Variants in MALRD1 observed in about 807,000 individuals in gnomAD.
The protein encoded by MALRD1 is MAM and LDL receptor class A domain containing 1.
A neutral mutation model predicts 242.1 loss-of-function variants in MALRD1; 247 were observed. The ratio of observed to expected loss-of-function variants is 1.02; its 90% confidence interval spans 0.92 to 1.13. MALRD1 has a LOEUF of 1.13. Among genes scored for constraint, MALRD1 ranks in the 50% most tolerant of loss-of-function variants. The pLI, the probability that MALRD1 is intolerant of heterozygous loss-of-function variation, is 0.00. For synonymous variants in MALRD1, 995 were observed against 866.6 expected (o/e 1.15, Z -2.60); for missense variants, 2,989 against 2,533.1 (o/e 1.18, Z -3.86).
At chr10:19,392,195 C>A (rs1846368553) in intron 28 of MALRD1, among the ~76,000 whole-genome samples, 1 of 152,050 alleles carries the variant, frequency 6.6e-6, no homozygotes. Flanking sequence ...TTAACACACC[C>A]CTCTGAGTTA....
intron 11 of MALRD1, among the ~76,000 whole-genome samples, chr10:19,153,380 C>A (rs1418316823): frequency 1.3e-5 from 2 of 152,114 alleles, no homozygotes; most frequent in Admixed American, 6.6e-5. Flanking sequence ...TTTCTAAGAT[C>A]TGAGGTTTCT....
intron 36 of MALRD1, among the ~76,000 whole-genome samples, chr10:19,657,112 A>G (rs1397991443): frequency 6.6e-6 from 1 of 152,092 alleles, no homozygotes; most frequent in Non-Finnish European, 1.5e-5. Flanking sequence ...ATTCTCTCAC[A>G]GTCTTTTCAT....
intron 36 of MALRD1, among the ~76,000 whole-genome samples, chr10:19,658,739 A>G (rs774299596): frequency 1.3e-5 from 2 of 152,058 alleles, no homozygotes; most frequent in African/African-American, 2.4e-5. Flanking sequence ...ACTCTCTCCT[A>G]TTTACCTACC....
At chr10:19,360,949 A>G (rs1230516662) in intron 26 of MALRD1, among the ~76,000 whole-genome samples, 2 of 152,020 alleles carry the variant, frequency 1.3e-5, no homozygotes, top group Non-Finnish European at 2.9e-5. Context: ...TAGCTTTACT[A>G]TGGTCTCATT....
intron 1 of MALRD1, among the ~76,000 whole-genome samples, chr10:19,056,716 C>G (rs550120640): frequency 1.9e-4 from 29 of 152,168 alleles, no homozygotes; most frequent in Admixed American, 1.4e-3. Flanking sequence ...ACTTCCAGTT[C>G]TATGCTGAAA....
chr10:19,592,766 C>T (rs1277900099), intron 33 of MALRD1, among the ~76,000 whole-genome samples: 5 of 38,896 alleles, frequency 1.3e-4, no homozygotes, highest in African/African-American at 2.5e-4. Context: ...CACACACGCA[C>T]GCACACACAC....
intron 36 of MALRD1, among the ~76,000 whole-genome samples, chr10:19,664,294 A>G (rs1412015394): frequency 1.3e-5 from 2 of 152,138 alleles, no homozygotes; most frequent in African/African-American, 4.8e-5. Context: ...ATTAGATCTA[A>G]TTTAATTTCT....
At chr10:19,614,300 C>T (rs927429672) in intron 35 of MALRD1, among the ~76,000 whole-genome samples, 2 of 151,968 alleles carry the variant, frequency 1.3e-5, no homozygotes, top group African/African-American at 4.8e-5. Flanking sequence ...AACAACTATA[C>T]TAAGATGTCT....
intron 21 of MALRD1, among the ~76,000 whole-genome samples, chr10:19,299,946 A>G (rs976882629): frequency 1.3e-5 from 2 of 151,964 alleles, no homozygotes; most frequent in South Asian, 4.1e-4. Context: ...TTTACAAACA[A>G]TGTGATTCTA....
At chr10:19,664,555 A>G (rs1841590023) in intron 36 of MALRD1, among the ~76,000 whole-genome samples, 1 of 151,810 alleles carries the variant, frequency 6.6e-6, no homozygotes, top group Admixed American at 6.6e-5. Context: ...AAGCTTGTTT[A>G]TTAAGTTAAA....
intron 14 of MALRD1, among the ~76,000 whole-genome samples, chr10:19,199,984 C>G (rs577536655): frequency 6.6e-6 from 1 of 152,072 alleles, no homozygotes; most frequent in South Asian, 2.1e-4. Flanking sequence ...AAAAAATTAT[C>G]CAGTTGTGGT....
At chr10:19,058,190 A>G (rs1590369034) in intron 1 of MALRD1, among the ~76,000 whole-genome samples, 1 of 152,240 alleles carries the variant, frequency 6.6e-6, no homozygotes, top group East Asian at 1.9e-4. Flanking sequence ...GCCAGAGGAC[A>G]CAGAGCTGTT....
In MALRD1 at chr10:19,344,658, T is replaced by G. The variant is rs993533327; in HGVS notation, c.3902-3113T>G. ...CCTTTGACGTTCTATATATATTTTA[T>G]AAAAATATATATCTACAAGTTATGG... On this transcript the variant is annotated intron_variant, in intron 24 of 39. Coordinates refer to ENST00000454679, the MANE Select transcript of MALRD1 (RefSeq NM_001142308.3). Among the ~76,000 whole-genome samples the G allele has an allele frequency of 2.9e-4, 44 of 150,194 alleles. 1 individual carries two copies. Among genetic ancestry groups the G allele is most frequent in the African/African-American group, 9.9e-4 (41 of 41,320 alleles).
chr10:19,327,291 G>T (rs1843172019), intron 22 of MALRD1, among the ~76,000 whole-genome samples: 1 of 152,060 alleles, frequency 6.6e-6, no homozygotes, highest in Non-Finnish European at 1.5e-5. Context: ...AGTTAATGTA[G>T]TTGAGTTCTT....
rs367851611 is a variant in MALRD1, at chr10:19,607,762, CT to C, written c.5945-5del. The stretch of plus-strand genomic sequence containing the variant: ...CATGCTGGCATCCCTGATCATTATT[CT>C]TTTTTTTTTGCAGCCAACAAAAGCT... On this transcript the variant is annotated splice_polypyrimidine_tract_variant and intron_variant, in intron 34 of 39. Transcript: ENST00000454679. The C allele has an allele frequency of 4.6e-3, 5,762 of 1,240,592 alleles. No individual in the cohort carries two copies. Among genetic ancestry groups the C allele is most frequent in the Admixed American group, 0.016 (628 of 39,368 alleles). The allele number at this position is 1,240,592 out of a possible 1,614,324, so 76.8% of individuals were successfully genotyped here.
At chr10:19,222,767 T>C (rs1445837201) in intron 18 of MALRD1, among the ~76,000 whole-genome samples, 3 of 152,194 alleles carry the variant, frequency 2.0e-5, no homozygotes, top group Non-Finnish European at 4.4e-5. Context: ...TTTTGTTAAG[T>C]ACCATAACAT....
At chr10:19,387,176 G>A (rs1461877397) in intron 26 of MALRD1, among the ~76,000 whole-genome samples, 1 of 151,980 alleles carries the variant, frequency 6.6e-6, no homozygotes, top group Non-Finnish European at 1.5e-5. Flanking sequence ...TTTGTTTCAG[G>A]ATGAAAAAAT....
In MALRD1 at chr10:19,128,339, T is replaced by C. The variant is rs1463966722; in HGVS notation, c.1062T>C (p.Tyr354=). The change falls in exon 8 of 40, where the codon TAT becomes TAC. Residue 354 remains tyrosine (Y), a synonymous_variant. Coordinates refer to ENST00000454679, the MANE Select transcript of MALRD1 (RefSeq NM_001142308.3). ...GCAAGAGCTGTCATCTTCAATTCTA[T>C]TATGCAATGGAAAGCAGTGTCCTGA... ...CLGKSCHLQF[Y]YAMESSVLRV... 3.2e-6 allele frequency: 4 copies of C among 1,233,264 alleles called. No individual in the cohort carries two copies. Among genetic ancestry groups the C allele is most frequent in the African/African-American group, 1.6e-5 (1 of 64,472 alleles). The allele number at this position is 1,233,264 out of a possible 1,614,324, so 76.4% of individuals were successfully genotyped here. A position where few individuals can be genotyped will look rare whatever the true frequency, so the allele number is the denominator to read the frequency against.
intron 31 of MALRD1, among the ~76,000 whole-genome samples, chr10:19,503,616 G>C (rs1453233043): frequency 6.6e-6 from 1 of 152,224 alleles, no homozygotes; most frequent in Non-Finnish European, 1.5e-5. Flanking sequence ...AGCTGCTGCT[G>C]TCTCTCTTTT....
Sources: allele counts gnomAD v4.1 joint callset (sites outside exome capture counted in the v4.1 genomes callset), GRCh38; gene constraint gnomAD v4.1.1; transcripts MANE v1.5; gene names NCBI Gene and HGNC (gene_info 2026-07-23, HGNC 2026-07-21).